Variants in DNAJC11 observed in about 807,000 individuals in gnomAD.
DNAJC11 encodes the protein DnaJ heat shock protein family (Hsp40) member C11, also known as dnaJ homolog subfamily C member 11.
Under a neutral mutation model 78.6 loss-of-function variants are expected in DNAJC11, and 15 were observed. The ratio of observed to expected loss-of-function variants is 0.19; its 90% confidence interval spans 0.13 to 0.29. The LOEUF is 0.29. Among genes scored for constraint, DNAJC11 ranks in the 10% least tolerant of loss-of-function variants. The probability of loss-of-function intolerance (pLI) is 1.00; values close to 1 mark genes in which losing one functional copy is unlikely to be tolerated. For missense variants in DNAJC11, 547 were observed against 709.6 expected, an observed-to-expected ratio of 0.77 and a Z score of 2.60; for synonymous variants, 292 against 272.1, an observed-to-expected ratio of 1.07 and a Z score of -0.72.
intron 12 of DNAJC11, 101 bp downstream of exon 12, chr1:6,638,194 T>G: frequency 2.5e-6 from 3 of 1,182,434 alleles, no homozygotes; most frequent in Non-Finnish European, 3.6e-6. Flanking sequence ...GCCAAGTTGT[T>G]GGAGAAGAGA....
rs1187305281 is a variant in DNAJC11, at chr1:6,634,728, G to A, written c.*947C>T. Reference sequence around the variant, plus strand: ...TCTGAAGGAAGGCTCCGGAGCACAGGCCCTGGTGTTCCTGTGAGGACGCTG... The same window carrying A: ...TCTGAAGGAAGGCTCCGGAGCACAGACCCTGGTGTTCCTGTGAGGACGCTG... On this transcript the variant is annotated 3_prime_UTR_variant, in exon 16 of 16. Transcript: ENST00000377577. 2 of 1,360,056 alleles carry A rather than the reference G, an allele frequency of 1.5e-6. No individual in the cohort carries two copies. The highest frequency in any genetic ancestry group is 2.3e-5 in the South Asian group (2 of 86,786). The allele number at this position is 1,360,056 out of a possible 1,614,324, so 84.2% of individuals were successfully genotyped here.
At chr1:6,664,204 C>T (rs1347869170) in intron 4 of DNAJC11, among the ~76,000 whole-genome samples, 5 of 151,814 alleles carry the variant, frequency 3.3e-5, no homozygotes, top group African/African-American at 7.3e-5. Context: ...TGGCCCCAGG[C>T]AAAGGCTGCA....
Position 6,635,698 on chromosome 1 carries a change from G to A in DNAJC11, c.1657C>T (p.His553Tyr), listed in dbSNP as rs1323383759. 1 of 1,614,074 alleles carries A rather than the reference G, an allele frequency of 6.2e-7. No homozygotes were observed. Among genetic ancestry groups the A allele is most frequent in the East Asian group, 2.2e-5 (1 of 44,880 alleles). The part of the protein sequence containing the change: ...SEALRIPKQS[H>Y]RIDTDG Reference sequence around the variant, plus strand: ...GTTTATCCATCTGTATCGATCCTGTGGGCTGTAAAGGAAAAGACAGACGCA... The same window carrying A: ...GTTTATCCATCTGTATCGATCCTGTAGGCTGTAAAGGAAAAGACAGACGCA... The change falls in exon 16 of 16, where the codon CAC (histidine) becomes TAC (tyrosine). Residue 553 changes from histidine to tyrosine, a missense_variant and splice_region_variant. By Grantham distance (83) the His-to-Tyr change is moderately conservative. Coordinates refer to ENST00000377577, the MANE Select transcript of DNAJC11 (RefSeq NM_018198.4).
chr1:6,657,667 T>C (rs1328446300), intron 4 of DNAJC11, among the ~76,000 whole-genome samples: 2 of 152,188 alleles, frequency 1.3e-5, no homozygotes, highest in South Asian at 2.1e-4. Flanking sequence ...CTTTTTGAGA[T>C]GGAGTCTTGC....
At position 6,693,072 on chromosome 1, in the gene DNAJC11, AT is replaced by A. The variant is rs575360709; in HGVS notation, c.72+8656del. Among the ~76,000 whole-genome samples, 274 of 141,598 alleles carry A rather than the reference AT, an allele frequency of 1.9e-3. 1 individual carries two copies. The highest frequency in any genetic ancestry group is 6.2e-3 in the African/African-American group (237 of 38,224). The allele number at this position is 141,598 out of a possible 152,430, so 92.9% of individuals were successfully genotyped here. On this transcript the variant is annotated intron_variant, in intron 1 of 15. Transcript: ENST00000377577. ...AGGCGAGCATCACCACACCCGGCTA[AT>A]TTTTTTTTTTCGTATTTTTAGTACA...
intron 4 of DNAJC11, among the ~76,000 whole-genome samples, chr1:6,664,241 C>CT (rs946714292): frequency 0.032 from 4,472 of 140,344 alleles, 182 homozygotes; most frequent in African/African-American, 0.095. Context: ...CATTTTCTTT[C>CT]TTTTTTTTTT....
chr1:6,665,426 T>C lies in DNAJC11; in HGVS notation c.378+2283A>G, dbSNP rs17029728. Reference sequence around the variant, plus strand: ...TTCTTCTCAGGACAAGGATGTTTGCTCATCTTGAAAGGCAAAAAAACCCCT... The same window carrying C: ...TTCTTCTCAGGACAAGGATGTTTGCCCATCTTGAAAGGCAAAAAAACCCCT... On this transcript the variant is annotated intron_variant, in intron 4 of 15. Transcript: ENST00000377577. 2.5e-3 allele frequency among the ~76,000 whole-genome samples: 380 copies of C among 152,218 alleles called. 1 individual carries two copies. Among genetic ancestry groups the C allele is most frequent in the African/African-American group, 8.8e-3 (365 of 41,532 alleles).
At chr1:6,691,892 A>G (rs189049210) in intron 1 of DNAJC11, among the ~76,000 whole-genome samples, 7 of 152,166 alleles carry the variant, frequency 4.6e-5, no homozygotes, top group Admixed American at 4.6e-4. Context: ...GAAATGTGTG[A>G]CTCCTTTAAA....
In DNAJC11 at chr1:6,657,668, G is replaced by A. The variant is rs143134658; in HGVS notation, c.379-3629C>T. On this transcript the variant is annotated intron_variant, in intron 4 of 15. Transcript: ENST00000377577. Reference sequence around the variant, plus strand: ...TAATGATTCCTACTCTTTTTGAGATGGAGTCTTGCTCTGTCGCCTGGGCTG... The same window carrying A: ...TAATGATTCCTACTCTTTTTGAGATAGAGTCTTGCTCTGTCGCCTGGGCTG... Among the ~76,000 whole-genome samples the A allele has an allele frequency of 2.5e-3, 379 of 152,306 alleles. 5 individuals carry two copies. Among genetic ancestry groups the A allele is most frequent in the African/African-American group, 8.8e-3 (364 of 41,574 alleles).
intron 1 of DNAJC11, among the ~76,000 whole-genome samples, chr1:6,682,485 C>T (rs1385627609): frequency 6.6e-6 from 1 of 152,134 alleles, no homozygotes; most frequent in African/African-American, 2.4e-5. Context: ...CCTGAGGGGG[C>T]AGCGGTGCTG....
intron 10 of DNAJC11, among the ~76,000 whole-genome samples, chr1:6,640,957 T>C (rs1641865791): frequency 6.6e-6 from 1 of 152,128 alleles, no homozygotes; most frequent in African/African-American, 2.4e-5. Context: ...AACAACAGCC[T>C]TATCTATGTA....
At chr1:6,642,847 T>A (rs575518906) in intron 10 of DNAJC11, among the ~76,000 whole-genome samples, 1 of 151,956 alleles carries the variant, frequency 6.6e-6, no homozygotes, top group African/African-American at 2.4e-5. Flanking sequence ...GCTGGACAAA[T>A]ATATGAGCTG....
chr1:6,669,436 G>A (rs1431461599), intron 3 of DNAJC11, among the ~76,000 whole-genome samples: 4 of 151,648 alleles, frequency 2.6e-5, no homozygotes, highest in Admixed American at 1.3e-4. Flanking sequence ...ACTTGAACCC[G>A]GCAGGCGGAG....
chr1:6,692,277 A>C (rs1642758336), intron 1 of DNAJC11, among the ~76,000 whole-genome samples: 1 of 152,136 alleles, frequency 6.6e-6, no homozygotes, highest in Admixed American at 6.6e-5. Context: ...ACATTATGAG[A>C]TGACATTGGA....
chr1:6,664,354 T>C, intron 4 of DNAJC11, among the ~76,000 whole-genome samples: 1 of 151,856 alleles, frequency 6.6e-6, no homozygotes, highest in East Asian at 1.9e-4. Context: ...ATTCTCCTAC[T>C]TCAGCCTCCT....
chr1:6,639,743 A>T (rs191767219), intron 11 of DNAJC11, among the ~76,000 whole-genome samples, 159 bp downstream of exon 11: 1 of 152,208 alleles, frequency 6.6e-6, no homozygotes, highest in Non-Finnish European at 1.5e-5. Flanking sequence ...ACATTTACCA[A>T]TCGTGACCCA....
chr1:6,657,978 T>C (rs1642156709), intron 4 of DNAJC11, among the ~76,000 whole-genome samples: 1 of 151,830 alleles, frequency 6.6e-6, no homozygotes, highest in South Asian at 2.1e-4. Context: ...CAAGTGAAAA[T>C]AGGTTTATCA....
chr1:6,685,252 T>G (rs1169283876), intron 1 of DNAJC11, among the ~76,000 whole-genome samples: 1 of 152,250 alleles, frequency 6.6e-6, no homozygotes, highest in Non-Finnish European at 1.5e-5. Flanking sequence ...TCTCAAAGTG[T>G]GGTCTGGGGC....
At chr1:6,657,823 T>G (rs575233471) in intron 4 of DNAJC11, among the ~76,000 whole-genome samples, 1 of 152,172 alleles carries the variant, frequency 6.6e-6, no homozygotes, top group African/African-American at 2.4e-5. Flanking sequence ...TTTTTTGTAT[T>G]TTTAGTAGAG....
Sources: gnomAD v4.1 joint callset for allele counts (sites outside exome capture counted in the v4.1 genomes callset) on GRCh38, gnomAD v4.1.1 for gene constraint, MANE v1.5 for transcripts, NCBI Gene and HGNC (gene_info 2026-07-23, HGNC 2026-07-21) for gene names.